PVT1: variants seen among roughly 807,000 people sequenced by gnomAD.
PVT1 encodes the protein Pvt1 oncogene.
intron 3 of PVT1, among the ~76,000 whole-genome samples, chr8:127,923,936 C>T (rs1041167760): frequency 3.3e-5 from 5 of 152,210 alleles, no homozygotes; most frequent in East Asian, 1.9e-4. Flanking sequence ...CAAACAGTGA[C>T]GGCTTTATAA....
At chr8:127,957,775 A>G (rs987863273) in intron 3 of PVT1, among the ~76,000 whole-genome samples, 1 of 152,232 alleles carries the variant, frequency 6.6e-6, no homozygotes, top group Non-Finnish European at 1.5e-5. Flanking sequence ...TGTGCTGCGC[A>G]GCTGATAGCA....
chr8:127,816,507 C>T (rs1204463221), intron 2 of PVT1, among the ~76,000 whole-genome samples: 4 of 150,522 alleles, frequency 2.7e-5, no homozygotes, highest in Admixed American at 6.6e-5. Flanking sequence ...AAAACCCATG[C>T]GTATTCTTTT....
At chr8:127,975,249 A>G (rs1230055817) in intron 3 of PVT1, among the ~76,000 whole-genome samples, 1 of 152,222 alleles carries the variant, frequency 6.6e-6, no homozygotes, top group Non-Finnish European at 1.5e-5. Context: ...CTTTCAAATA[A>G]GGTTGTTTAT....
At chr8:127,957,455 C>G (rs56007811) in intron 3 of PVT1, among the ~76,000 whole-genome samples, 75,934 of 151,586 alleles carry the variant, frequency 0.5, 19,362 homozygotes, top group Admixed American at 0.61. Flanking sequence ...TACCGTGCAG[C>G]TACTCAGGAG....
At chr8:127,981,524 A>T (rs893538420) in intron 3 of PVT1, among the ~76,000 whole-genome samples, 2 of 152,236 alleles carry the variant, frequency 1.3e-5, no homozygotes, top group African/African-American at 2.4e-5. Context: ...AGACCAAAGC[A>T]TGCTGGCGGG....
intron 4 of PVT1, among the ~76,000 whole-genome samples, chr8:128,007,978 G>A (rs112223399): frequency 6.6e-6 from 1 of 152,164 alleles, no homozygotes; most frequent in Admixed American, 6.5e-5. Flanking sequence ...TCTTACCTTT[G>A]TCTGAGGAGG....
intron 4 of PVT1, among the ~76,000 whole-genome samples, chr8:128,046,814 A>G (rs1813619452): frequency 6.6e-6 from 1 of 152,218 alleles, no homozygotes; most frequent in Non-Finnish European, 1.5e-5. Context: ...TCCAGGAAGA[A>G]TGAGTAAGGC....
In PVT1 at chr8:127,889,657, T is replaced by C. The variant is rs74896339; in HGVS notation, n.373-932T>C. 4.3e-3 allele frequency among the ~76,000 whole-genome samples: 661 copies of C among 152,286 alleles called. 9 individuals carry two copies. Among genetic ancestry groups the C allele is most frequent in the African/African-American group, 0.015 (626 of 41,556 alleles). On this transcript the variant is annotated intron_variant and non_coding_transcript_variant, in intron 2 of 10. Transcript: ENST00000651587. ...GGGCAGGAATCCCTCACTAGGTAAC[T>C]TAGAGCGGCGGATCAGGGCACAGAC...
intron 3 of PVT1, among the ~76,000 whole-genome samples, chr8:127,903,805 C>T (rs866838492): frequency 6.6e-6 from 1 of 152,138 alleles, no homozygotes; most frequent in African/African-American, 2.4e-5. Flanking sequence ...TGCACCAGTA[C>T]CATGCTGTTT....
chr8:128,002,031 C>T (rs996155009), intron 4 of PVT1, among the ~76,000 whole-genome samples: 7 of 152,140 alleles, frequency 4.6e-5, no homozygotes, highest in East Asian at 1.9e-4. Context: ...CAATCCTGCT[C>T]GACCGAATTC....
In PVT1 at chr8:127,858,645, T is replaced by G. The variant is rs571527544; in HGVS notation, n.373-31944T>G. ...CCTGTTTTCTGTAAAGGAATGATTA[T>G]TGTACAAGGATTTCTGGAACTGCAA... On this transcript the variant is annotated intron_variant and non_coding_transcript_variant, in intron 2 of 10. Coordinates refer to ENST00000651587, the Ensembl canonical transcript of PVT1. Among the ~76,000 whole-genome samples, 163 of 151,932 alleles carry G rather than the reference T, an allele frequency of 1.1e-3. 1 individual carries two copies. Among genetic ancestry groups the G allele is most frequent in the African/African-American group, 3.7e-3 (155 of 41,524 alleles).
At chr8:128,034,399 G>A (rs886092962) in intron 4 of PVT1, among the ~76,000 whole-genome samples, 3 of 152,202 alleles carry the variant, frequency 2.0e-5, no homozygotes, top group Non-Finnish European at 4.4e-5. Context: ...CTCACCACCT[G>A]GGTGGAGTTG....
chr8:128,048,019 CTG>C (rs1813641585), intron 4 of PVT1, among the ~76,000 whole-genome samples: 1 of 152,216 alleles, frequency 6.6e-6, no homozygotes, highest in African/African-American at 2.4e-5. Context: ...GCCTAGAACA[CTG>C]TGTGGAGTAT....
intron 3 of PVT1, among the ~76,000 whole-genome samples, chr8:127,966,745 T>C (rs1371669296): frequency 2.0e-5 from 3 of 152,210 alleles, no homozygotes; most frequent in African/African-American, 4.8e-5. Flanking sequence ...GGACAGCATA[T>C]GTCAGCGCTG....
chr8:128,000,209 G>A (rs528107854), intron 4 of PVT1, among the ~76,000 whole-genome samples: 1 of 152,258 alleles, frequency 6.6e-6, no homozygotes, highest in African/African-American at 2.4e-5. Flanking sequence ...TGCTTTCCTG[G>A]GACCCGAGGC....
chr8:127,921,561 C>A (rs1816057584), intron 3 of PVT1, among the ~76,000 whole-genome samples: 1 of 152,084 alleles, frequency 6.6e-6, no homozygotes, highest in East Asian at 1.9e-4. Context: ...CCTGTAATCC[C>A]AACACTTTGG....
rs1398054851 is a variant in PVT1, at chr8:128,002,345, A to G, written n.912+13054A>G. On this transcript the variant is annotated intron_variant and non_coding_transcript_variant, in intron 4 of 10. Transcript: ENST00000651587. ...TGCACCTGTGTGACATTTTCCTCCCATTGCTTTACATGTTACTCTTTCTTA... is the reference window on the plus strand; with the variant it reads ...TGCACCTGTGTGACATTTTCCTCCCGTTGCTTTACATGTTACTCTTTCTTA... Among the ~76,000 whole-genome samples the G allele has an allele frequency of 2.0e-5, 3 of 152,218 alleles. No homozygotes were observed. In the East Asian group the frequency reaches 5.8e-4, roughly 29 times the overall value.
rs199812559 is a variant in PVT1, at chr8:127,974,901, C to CT, written n.783-14253dup. 9.3e-4 allele frequency among the ~76,000 whole-genome samples: 141 copies of CT among 151,998 alleles called. No individual in the cohort carries two copies. The Middle Eastern group carries it at 0.01, about 11-fold the overall frequency. On this transcript the variant is annotated intron_variant and non_coding_transcript_variant, in intron 3 of 10. Transcript: ENST00000651587. ...AGGTGTAGGGAATAGTTTGTAGTCA[C>CT]TTTTTTTTAATCCTAAAGCGGAAAC...
intron 2 of PVT1, among the ~76,000 whole-genome samples, chr8:127,866,939 A>G (rs1815292058): frequency 6.6e-6 from 1 of 152,138 alleles, no homozygotes; most frequent in Admixed American, 6.5e-5. Flanking sequence ...GTTTGCACTA[A>G]TGCTATGTGT....
Sources: gnomAD v4.1 joint callset for allele counts (sites outside exome capture counted in the v4.1 genomes callset) on GRCh38, gnomAD v4.1.1 for gene constraint, MANE v1.5 for transcripts, NCBI Gene and HGNC (gene_info 2026-07-23, HGNC 2026-07-21) for gene names.